ETV1: variants seen among roughly 807,000 people sequenced by gnomAD.
ETV1 encodes ETS variant transcription factor 1, also known as ETS translocation variant 1.
Under a neutral mutation model 62.3 loss-of-function variants are expected in ETV1, and 27 were observed. That is an observed-to-expected ratio of 0.43 (90% CI 0.32 to 0.60). The LOEUF (loss-of-function observed/expected upper bound fraction) is 0.60, where lower values mean the gene tolerates loss of function less well. Ranked by LOEUF, ETV1 falls within the 20% of genes least tolerant of loss-of-function variation. ETV1 has a pLI of 0.06. For missense variants in ETV1, 605 were observed against 605.8 expected (o/e 1.00, Z 0.01); for synonymous variants, 222 against 199.6 (o/e 1.11, Z -0.94).
intron 4 of ETV1, 21 bp from the exon 5 acceptor site, chr7:13,986,706 A>C: frequency 6.3e-7 from 1 of 1,579,416 alleles, no homozygotes; most frequent in Non-Finnish European, 8.7e-7. Flanking sequence ...AGTCAAAGAC[A>C]TAAACATAAG....
intron 9 of ETV1, among the ~76,000 whole-genome samples, chr7:13,928,787 G>A (rs953781206): frequency 1.6e-4 from 25 of 152,130 alleles, no homozygotes; most frequent in East Asian, 3.9e-4. Flanking sequence ...GTGAAACCCC[G>A]TCTCTACTAA....
chr7:13,895,571 T>C lies in ETV1; in HGVS notation c.*295A>G, dbSNP rs1450180131. ...GATATAGTTTCATCATACTCAAAACTTGTAGGACCCCATCCCAAGCCTAAG... is the reference window on the plus strand; with the variant it reads ...GATATAGTTTCATCATACTCAAAACCTGTAGGACCCCATCCCAAGCCTAAG... On this transcript the variant is annotated 3_prime_UTR_variant, in exon 14 of 14. Coordinates refer to ENST00000430479, the MANE Select transcript of ETV1 (RefSeq NM_004956.5). 5.3e-6 allele frequency: 2 copies of C among 376,090 alleles called. No homozygotes were observed. The highest frequency in any genetic ancestry group is 9.7e-6 in the Non-Finnish European group (2 of 206,972). 23.3% of individuals were successfully genotyped at this position (376,090 alleles called of 1,614,324 possible).
chr7:13,929,657 A>G (rs1186670088), intron 9 of ETV1, among the ~76,000 whole-genome samples: 2 of 152,152 alleles, frequency 1.3e-5, no homozygotes, highest in Non-Finnish European at 2.9e-5. Context: ...CACTATATAT[A>G]GGAGCAATGT....
Position 13,895,165 on chromosome 7 carries a change from A to G in ETV1, c.*701T>C, listed in dbSNP as rs888230899. 6 of 233,446 alleles carry G rather than the reference A, an allele frequency of 2.6e-5. No individual in the cohort carries two copies. Among genetic ancestry groups the G allele is most frequent in the Non-Finnish European group, 5.1e-5 (6 of 117,960 alleles). The allele number at this position is 233,446 out of a possible 1,614,324, so 14.5% of individuals were successfully genotyped here. A position where few individuals can be genotyped will look rare whatever the true frequency, so the allele number is the denominator to read the frequency against. On this transcript the variant is annotated 3_prime_UTR_variant, in exon 14 of 14. Coordinates refer to ENST00000430479, the MANE Select transcript of ETV1 (RefSeq NM_004956.5). Reference sequence around the variant, plus strand: ...CAGATACACGTAATGCTACTGGCCTATGACTCAGTTTGGCGCCAGAGTCCA... The same window carrying G: ...CAGATACACGTAATGCTACTGGCCTGTGACTCAGTTTGGCGCCAGAGTCCA...
At chr7:13,929,577 G>C (rs1376589236) in intron 9 of ETV1, among the ~76,000 whole-genome samples, 4 of 152,130 alleles carry the variant, frequency 2.6e-5, no homozygotes, top group African/African-American at 9.7e-5. Context: ...CACACTGTGA[G>C]AGTTTCACAC....
At chr7:13,963,859 A>T (rs974319114) in intron 6 of ETV1, among the ~76,000 whole-genome samples, 1 of 152,214 alleles carries the variant, frequency 6.6e-6, no homozygotes, top group African/African-American at 2.4e-5. Context: ...CTTTATCACA[A>T]AATGGGATGA....
intron 5 of ETV1, 138 bp downstream of exon 5, chr7:13,986,500 T>C (rs1782565377): frequency 6.6e-7 from 1 of 1,524,922 alleles, no homozygotes; most frequent in South Asian, 1.3e-5. Context: ...TCAGAGGCTC[T>C]AATGTATGCA....
rs1199323844 is a variant in ETV1 at position 13,892,073 on chromosome 7, T to C, written c.*3793A>G. On this transcript the variant is annotated 3_prime_UTR_variant, in exon 14 of 14. Transcript: ENST00000430479. ...GGTTATATAAAGATAAGTTGACTCA[T>C]TTTGCAATTGTTCTTTTGAGTAATA... The C allele has an allele frequency of 1.3e-5, 3 of 232,188 alleles. No individual in the cohort carries two copies. Among genetic ancestry groups the C allele is most frequent in the East Asian group, 6.1e-5 (1 of 16,350 alleles). 14.4% of individuals were successfully genotyped at this position (232,188 alleles called of 1,614,324 possible).
chr7:13,946,938 G>A (rs2128467642), intron 6 of ETV1, among the ~76,000 whole-genome samples: 1 of 152,228 alleles, frequency 6.6e-6, no homozygotes, highest in East Asian at 1.9e-4. Flanking sequence ...ACAGGTGTGT[G>A]CCACCATGCT....
intron 9 of ETV1, among the ~76,000 whole-genome samples, chr7:13,915,017 T>C (rs2128425311): frequency 6.6e-6 from 1 of 152,360 alleles, no homozygotes; most frequent in Non-Finnish European, 1.5e-5. Flanking sequence ...CATTTGATGC[T>C]TTTGGTTAAA....
intron 6 of ETV1, among the ~76,000 whole-genome samples, chr7:13,975,613 G>A (rs576287814): frequency 3.4e-5 from 5 of 148,288 alleles, no homozygotes; most frequent in African/African-American, 4.9e-5. Flanking sequence ...GAAAGGTTTC[G>A]GGACAGAACC....
At chr7:13,949,879 T>G (rs557419751) in intron 6 of ETV1, among the ~76,000 whole-genome samples, 25 of 152,262 alleles carry the variant, frequency 1.6e-4, no homozygotes, top group African/African-American at 5.8e-4. Context: ...GCACAGCAAG[T>G]TGATATGTAT....
At position 13,985,971 on chromosome 7, in the gene ETV1, A is replaced by C. The variant is rs1782511547; in HGVS notation, c.181+667T>G. On this transcript the variant is annotated intron_variant, in intron 5 of 13. Transcript: ENST00000430479. ...CTTTAAATGTATCCTTGCTCTATTA[A>C]ATAAATCCTAATAAAACTGACAAAA... 6 of 674,870 alleles carry C rather than the reference A, an allele frequency of 8.9e-6. No individual in the cohort carries two copies. The Admixed American group carries it at 9.1e-5, about 10-fold the overall frequency. 41.8% of individuals were successfully genotyped at this position (674,870 alleles called of 1,614,324 possible).
At chr7:13,899,241 A>G (rs1028804898) in intron 13 of ETV1, among the ~76,000 whole-genome samples, 2 of 152,280 alleles carry the variant, frequency 1.3e-5, no homozygotes, top group African/African-American at 2.4e-5. Flanking sequence ...ATCTTACTAC[A>G]AAAAGGTAGG....
chr7:13,980,165 A>G (rs1446456717), intron 5 of ETV1, among the ~76,000 whole-genome samples: 1 of 152,176 alleles, frequency 6.6e-6, no homozygotes, highest in Non-Finnish European at 1.5e-5. Context: ...ACAGAAGCTA[A>G]TCTTAAGAAA....
chr7:13,961,630 TA>T (rs748336052), intron 6 of ETV1, among the ~76,000 whole-genome samples: 1 of 150,962 alleles, frequency 6.6e-6, no homozygotes, highest in Non-Finnish European at 1.5e-5. Context: ...AACTTTGAAA[TA>T]AAAAAAAACA....
At chr7:13,943,168 G>A (rs1787762255) in intron 6 of ETV1, among the ~76,000 whole-genome samples, 1 of 152,124 alleles carries the variant, frequency 6.6e-6, no homozygotes, top group East Asian at 1.9e-4. Flanking sequence ...AAAAAGTCTT[G>A]AAACAGGCCA....
intron 8 of ETV1, among the ~76,000 whole-genome samples, chr7:13,932,781 C>T (rs1583684784): frequency 1.3e-5 from 2 of 152,238 alleles, no homozygotes; most frequent in East Asian, 3.9e-4. Flanking sequence ...CAAATATAAG[C>T]CTAATAACCC....
In ETV1 at chr7:13,935,724, A is replaced by G. The variant is rs770397289; in HGVS notation, c.538T>C (p.Tyr180His). 6.2e-7 allele frequency: 1 copy of G among 1,613,884 alleles called. No individual in the cohort carries two copies. The highest frequency in any genetic ancestry group is 2.2e-5 in the East Asian group (1 of 44,854). The change falls in exon 8 of 14, where the codon TAC (tyrosine) becomes CAC (histidine). Residue 180 changes from tyrosine to histidine, a missense_variant. Around this residue, in one of 3 missense-constraint regions of ETV1, gnomAD observed 426 missense variants for 377.8 expected, o/e 1.13. Coordinates refer to ENST00000430479, the MANE Select transcript of ETV1 (RefSeq NM_004956.5). ...PPSQSIPDSS[Y>H]PMDHRFRRQL... ...GCAGGTTACCTGTGGTCCATGGGGTAGCTGCTATCTGGTATGGACTGCGAT... is the reference window on the plus strand; with the variant it reads ...GCAGGTTACCTGTGGTCCATGGGGTGGCTGCTATCTGGTATGGACTGCGAT...
Sources: gnomAD v4.1 joint callset for allele counts (sites outside exome capture counted in the v4.1 genomes callset) on GRCh38, gnomAD v4.1.1 for gene constraint, gnomAD v4.1.1 regional missense constraint, MANE v1.5 for transcripts, NCBI Gene and HGNC (gene_info 2026-07-23, HGNC 2026-07-21) for gene names.